SMARCC1: variants seen among roughly 807,000 people sequenced by gnomAD.
The protein encoded by SMARCC1 is SWI/SNF complex subunit SMARCC1.
SMARCC1 carries 43 observed loss-of-function variants against 147.4 expected under a neutral mutation model. The ratio of observed to expected loss-of-function variants is 0.29; its 90% CI spans 0.23 to 0.38. The LOEUF is 0.38. Ranked by LOEUF, SMARCC1 falls within the 10% of genes least tolerant of loss-of-function variation. The pLI, the probability that SMARCC1 is intolerant of heterozygous loss-of-function variation, is 1.00. For synonymous variants in SMARCC1, 495 were observed against 484.4 expected (o/e 1.02, Z -0.29); for missense variants, 1,119 against 1,381.1 (o/e 0.81, Z 3.01).
chr3:47,600,284 G>A (rs2032362537), intron 26 of SMARCC1, among the ~76,000 whole-genome samples: 1 of 152,160 alleles, frequency 6.6e-6, no homozygotes, highest in Non-Finnish European at 1.5e-5. Flanking sequence ...AAAGCAAGAG[G>A]TACCTAAGAG....
intron 21 of SMARCC1, among the ~76,000 whole-genome samples, chr3:47,649,444 C>T (rs187633467): frequency 5.3e-5 from 8 of 152,268 alleles, no homozygotes; most frequent in South Asian, 2.1e-4. Context: ...ACTAGTTAGT[C>T]CTTAACCTTC....
chr3:47,776,140 T>C (rs958213852), intron 1 of SMARCC1, among the ~76,000 whole-genome samples: 6 of 151,730 alleles, frequency 4.0e-5, no homozygotes, highest in African/African-American at 1.5e-4. Flanking sequence ...AAAGCGAGAC[T>C]CCGTCTCAAA....
At chr3:47,726,896 T>A (rs2034305845) in intron 6 of SMARCC1, among the ~76,000 whole-genome samples, 1 of 152,134 alleles carries the variant, frequency 6.6e-6, no homozygotes. Flanking sequence ...TTTCCTTTTT[T>A]TTTCAAGGCT....
At chr3:47,669,530 G>A (rs909388541) in intron 19 of SMARCC1, among the ~76,000 whole-genome samples, 1 of 152,108 alleles carries the variant, frequency 6.6e-6, no homozygotes, top group Non-Finnish European at 1.5e-5. Flanking sequence ...GAGTCAGTCA[G>A]TACCATAGGA....
intron 9 of SMARCC1, among the ~76,000 whole-genome samples, chr3:47,709,724 A>C (rs1017067410): frequency 3.9e-5 from 6 of 152,036 alleles, no homozygotes; most frequent in Admixed American, 1.3e-4. Context: ...AAGTAAAACA[A>C]CACCCCAGGA....
At chr3:47,734,333 A>G (rs1387190356) in intron 5 of SMARCC1, among the ~76,000 whole-genome samples, 2 of 152,230 alleles carry the variant, frequency 1.3e-5, no homozygotes, top group African/African-American at 4.8e-5. Flanking sequence ...TGATAAAATA[A>G]TTATATTACC....
intron 10 of SMARCC1, 68 bp downstream of exon 10, chr3:47,706,341 G>A: frequency 7.2e-7 from 1 of 1,384,694 alleles, no homozygotes; most frequent in Non-Finnish European, 9.4e-7. Context: ...AAAAGTGCTG[G>A]GATTATAAGT....
chr3:47,735,138 C>T (rs913008502), intron 5 of SMARCC1, among the ~76,000 whole-genome samples: 1 of 151,878 alleles, frequency 6.6e-6, no homozygotes, highest in Non-Finnish European at 1.5e-5. Context: ...GAAAGTAATA[C>T]TTCATTTCTT....
intron 10 of SMARCC1, 113 bp downstream of exon 10, chr3:47,706,293 AACT>A (rs2106793134): frequency 1.1e-6 from 1 of 950,270 alleles, no homozygotes; most frequent in African/African-American, 1.7e-5. Flanking sequence ...GCTGGATTTG[AACT>A]ACTGACCTCA....
chr3:47,608,762 T>C (rs577708694), intron 26 of SMARCC1, among the ~76,000 whole-genome samples: 11 of 149,842 alleles, frequency 7.3e-5, no homozygotes, highest in Non-Finnish European at 1.2e-4. Flanking sequence ...GATGGGAGGA[T>C]TGATTGAGCC....
intron 9 of SMARCC1, 79 bp downstream of exon 9, chr3:47,710,604 C>G: frequency 6.9e-7 from 1 of 1,457,682 alleles, no homozygotes; most frequent in Middle Eastern, 1.8e-4. Context: ...TTGTATATGA[C>G]AGCTTACTGA....
At chr3:47,604,378 A>G in intron 26 of SMARCC1, 1 of 437,520 alleles carries the variant, frequency 2.3e-6, no homozygotes, top group South Asian at 1.6e-5. Flanking sequence ...CCCATCATAT[A>G]TCATAAAGTC....
At chr3:47,772,505 G>C (rs1012805761) in intron 2 of SMARCC1, among the ~76,000 whole-genome samples, 4 of 152,074 alleles carry the variant, frequency 2.6e-5, no homozygotes, top group Non-Finnish European at 5.9e-5. Flanking sequence ...TCTATTTATG[G>C]CATAAGAGCT....
intron 21 of SMARCC1, among the ~76,000 whole-genome samples, chr3:47,644,318 A>G (rs944503302): frequency 2.6e-5 from 4 of 152,044 alleles, no homozygotes; most frequent in African/African-American, 7.2e-5. Flanking sequence ...CCACCTCTAC[A>G]CAGAAAAAAA....
chr3:47,603,054 TC>T (rs913441117), intron 26 of SMARCC1, among the ~76,000 whole-genome samples: 4 of 152,208 alleles, frequency 2.6e-5, no homozygotes. Context: ...TTCTGTCATT[TC>T]CTTCTAACTT....
chr3:47,650,755 T>C (rs769035139), intron 21 of SMARCC1, among the ~76,000 whole-genome samples: 1 of 151,714 alleles, frequency 6.6e-6, no homozygotes, highest in Admixed American at 6.6e-5. Context: ...GTCAAGGCTG[T>C]AGTGAATCAT....
In SMARCC1 at chr3:47,755,539, T is replaced by TAA. The variant is rs925127019; in HGVS notation, c.316-9548_316-9547dup. On this transcript the variant is annotated intron_variant, in intron 2 of 27. Coordinates refer to ENST00000254480, the MANE Select transcript of SMARCC1 (RefSeq NM_003074.4). ...AAACTAATTAAATAAAAAGCGAATTTAAAAAAAAAAAGAATTATAAGTTTA... is the reference window on the plus strand; with the variant it reads ...AAACTAATTAAATAAAAAGCGAATTTAAAAAAAAAAAAAGAATTATAAGTTTA... Among the ~76,000 whole-genome samples the TAA allele has an allele frequency of 3.6e-4, 50 of 139,188 alleles. No individual in the cohort carries two copies. The Admixed American group carries it at 3.6e-3, about 10-fold the overall frequency. 91.3% of individuals were successfully genotyped at this position (139,188 alleles called of 152,430 possible).
At chr3:47,686,846 A>AT (rs1237638227) in intron 13 of SMARCC1, among the ~76,000 whole-genome samples, 7 of 152,168 alleles carry the variant, frequency 4.6e-5, no homozygotes, top group African/African-American at 1.7e-4. Context: ...TTAGCTGGAC[A>AT]TAGTGGTACA....
At position 47,633,763 on chromosome 3, in the gene SMARCC1, A is replaced by AAAT. The variant is rs1553676829; in HGVS notation, c.2646+1426_2646+1427insATT. Among the ~76,000 whole-genome samples the AAAT allele has an allele frequency of 1.3e-4, 4 of 31,718 alleles. 1 individual carries two copies. The highest frequency in any genetic ancestry group is 3.4e-4 in the African/African-American group (4 of 11,838). 20.8% of individuals were successfully genotyped at this position (31,718 alleles called of 152,430 possible). On this transcript the variant is annotated intron_variant, in intron 24 of 27. Coordinates refer to ENST00000254480, the MANE Select transcript of SMARCC1 (RefSeq NM_003074.4). Reference sequence around the variant, plus strand: ...TCTCAAAAAAAAAAAAAAAAAAAAAAATATATATATATATATACACACACA... The same window carrying AAAT: ...TCTCAAAAAAAAAAAAAAAAAAAAAAAATATATATATATATATATACACACACA...
Sources: gnomAD v4.1 joint callset for allele counts (sites outside exome capture counted in the v4.1 genomes callset) on GRCh38, gnomAD v4.1.1 for gene constraint, MANE v1.5 for transcripts, NCBI Gene and HGNC (gene_info 2026-07-23, HGNC 2026-07-21) for gene names.